Variants in PCCA observed in about 807,000 individuals in gnomAD.
The protein encoded by PCCA is propionyl-CoA carboxylase alpha chain, mitochondrial.
A neutral mutation model predicts 101.3 loss-of-function variants in PCCA; 74 were observed. The observed-to-expected ratio is 0.73, with a 90% CI of 0.61 to 0.89. The LOEUF is 0.89. Among genes scored for constraint, PCCA ranks in the 40% least tolerant of loss-of-function variants. The probability of loss-of-function intolerance (pLI) is 0.00; values close to 1 mark genes in which losing one functional copy is unlikely to be tolerated. For synonymous variants in PCCA, 294 were observed against 313.6 expected (o/e 0.94, Z 0.66); for missense variants, 891 against 907.0 (o/e 0.98, Z 0.23).
chr13:100,251,662 C>T (rs1174638397), intron 8 of PCCA, among the ~76,000 whole-genome samples: 1 of 152,060 alleles, frequency 6.6e-6, no homozygotes, highest in Non-Finnish European at 1.5e-5. Context: ...TATCAATCTA[C>T]AGATTATTTG....
At chr13:100,458,317 A>G (rs1290604917) in intron 21 of PCCA, among the ~76,000 whole-genome samples, 2 of 119,076 alleles carry the variant, frequency 1.7e-5, no homozygotes, top group African/African-American at 6.0e-5. Flanking sequence ...ACACACACAC[A>G]CACACACACA....
At chr13:100,502,212 C>T (rs758290677) in intron 21 of PCCA, among the ~76,000 whole-genome samples, 7 of 152,214 alleles carry the variant, frequency 4.6e-5, no homozygotes, top group South Asian at 2.1e-4. Context: ...GAATCCATCT[C>T]GTTCAGAGTG....
In PCCA at chr13:100,107,613, T is replaced by G. The variant is rs7335466; in HGVS notation, c.184-4228T>G. On this transcript the variant is annotated intron_variant, in intron 2 of 23. Transcript: ENST00000376285. ...CTCTGATTACATTATATCATGATAT[T>G]TCTGACATGAATACCTGGATGTGAA... is the stretch of plus-strand genomic sequence containing the variant. Among the ~76,000 whole-genome samples, 1,265 of 152,300 alleles carry G rather than the reference T, an allele frequency of 8.3e-3. 16 individuals carry two copies. Among genetic ancestry groups the G allele is most frequent in the African/African-American group, 0.029 (1,213 of 41,552 alleles).
At chr13:100,296,790 C>T (rs1027737618) in intron 12 of PCCA, among the ~76,000 whole-genome samples, 3 of 152,082 alleles carry the variant, frequency 2.0e-5, no homozygotes, top group Admixed American at 2.0e-4. Context: ...ACTATAGCAC[C>T]ATAATCAAAA....
chr13:100,120,177 C>CTTTTT, intron 4 of PCCA, among the ~76,000 whole-genome samples: 1 of 131,054 alleles, frequency 7.6e-6, no homozygotes, highest in South Asian at 2.5e-4. Context: ...TTTCAGATTA[C>CTTTTT]TTTTTTTTTT....
intron 7 of PCCA, among the ~76,000 whole-genome samples, chr13:100,225,566 C>A (rs938010686): frequency 6.6e-6 from 1 of 152,106 alleles, no homozygotes; most frequent in Non-Finnish European, 1.5e-5. Flanking sequence ...TGAAGGAAAT[C>A]ATTTAAAAAA....
intron 18 of PCCA, among the ~76,000 whole-genome samples, chr13:100,358,288 A>C (rs539169629): frequency 6.6e-6 from 1 of 152,332 alleles, no homozygotes; most frequent in Non-Finnish European, 1.5e-5. Context: ...TAACATGATG[A>C]GTGAAGTCTG....
At chr13:100,127,752 C>T (rs565081403) in intron 4 of PCCA, among the ~76,000 whole-genome samples, 1 of 152,068 alleles carries the variant, frequency 6.6e-6, no homozygotes, top group East Asian at 1.9e-4. Flanking sequence ...GTTAGCCGGG[C>T]GTGGTGGTGG....
chr13:100,217,632 C>G (rs1443022399), intron 7 of PCCA, among the ~76,000 whole-genome samples: 2 of 150,478 alleles, frequency 1.3e-5, no homozygotes, highest in African/African-American at 4.9e-5. Flanking sequence ...TAAAAAAATC[C>G]ACCTGAGGTC....
At chr13:100,101,148 T>A (rs139381619) in intron 1 of PCCA, among the ~76,000 whole-genome samples, 1 of 152,276 alleles carries the variant, frequency 6.6e-6, no homozygotes, top group African/African-American at 2.4e-5. Flanking sequence ...CATCTATGCT[T>A]TTTACAGCTT....
At chr13:100,108,784 A>G (rs929733627) in intron 2 of PCCA, among the ~76,000 whole-genome samples, 6 of 152,240 alleles carry the variant, frequency 3.9e-5, no homozygotes, top group African/African-American at 1.4e-4. Flanking sequence ...TTTTATAGGC[A>G]TAGCCTACCT....
At chr13:100,483,507 C>G (rs962304791) in intron 21 of PCCA, among the ~76,000 whole-genome samples, 5 of 152,210 alleles carry the variant, frequency 3.3e-5, no homozygotes, top group African/African-American at 1.2e-4. Context: ...GTACTCCTTC[C>G]CCAGGCAAAG....
intron 19 of PCCA, among the ~76,000 whole-genome samples, chr13:100,375,303 T>C (rs1308251116): frequency 6.6e-6 from 1 of 152,180 alleles, no homozygotes; most frequent in Non-Finnish European, 1.5e-5. Flanking sequence ...GGTCAATTTT[T>C]GAATAAGTTC....
At chr13:100,313,163 C>A (rs1474297383) in intron 16 of PCCA, among the ~76,000 whole-genome samples, 2 of 151,986 alleles carry the variant, frequency 1.3e-5, no homozygotes, top group African/African-American at 4.8e-5. Context: ...CCATTCTCTT[C>A]TCTGTTTTTC....
chr13:100,435,328 C>T (rs967789928), intron 20 of PCCA, among the ~76,000 whole-genome samples: 1 of 152,192 alleles, frequency 6.6e-6, no homozygotes, highest in Admixed American at 6.5e-5. Flanking sequence ...CCAAGATCTA[C>T]CTCTGTGATC....
chr13:100,310,517 T>A (rs749918083), intron 16 of PCCA, among the ~76,000 whole-genome samples: 1 of 152,218 alleles, frequency 6.6e-6, no homozygotes, highest in Admixed American at 6.5e-5. Context: ...TCTGTTAAAC[T>A]GTGATATAAT....
At chr13:100,223,759 T>C (rs1188781390) in intron 7 of PCCA, among the ~76,000 whole-genome samples, 2 of 152,166 alleles carry the variant, frequency 1.3e-5, no homozygotes, top group Non-Finnish European at 2.9e-5. Context: ...TTATAATCCC[T>C]GAGCTAGACA....
At chr13:100,176,849 A>G (rs559837150) in intron 6 of PCCA, among the ~76,000 whole-genome samples, 47 of 152,346 alleles carry the variant, frequency 3.1e-4, no homozygotes, top group African/African-American at 1.1e-3. Flanking sequence ...AGTCTTGAGA[A>G]TATTAGTTTA....
chr13:100,105,736 G>T lies in PCCA; in HGVS notation c.183+2776G>T, dbSNP rs369431058. Among the ~76,000 whole-genome samples the T allele has an allele frequency of 1.2e-4, 17 of 147,482 alleles. No homozygotes were observed. In the East Asian group the frequency reaches 3.4e-3, roughly 29 times the overall value. ...GTGCACCAGTAGTTCCAGCTACACA[G>T]GAAGCTAAGTTGGGAGGATCACTTG... On this transcript the variant is annotated intron_variant, in intron 2 of 23. Transcript: ENST00000376285.
Sources: gnomAD v4.1 joint callset for allele counts (sites outside exome capture counted in the v4.1 genomes callset) on GRCh38, gnomAD v4.1.1 for gene constraint, MANE v1.5 for transcripts, NCBI Gene and HGNC (gene_info 2026-07-23, HGNC 2026-07-21) for gene names.